Variants in MBNL1 observed in about 807,000 individuals in gnomAD.
The protein encoded by MBNL1 is muscleblind-like protein 1.
MBNL1 carries 8 observed loss-of-function variants against 42.2 expected under a neutral mutation model. That is an observed-to-expected ratio of 0.19 (90% CI 0.11 to 0.34). MBNL1 has a LOEUF of 0.34. Among genes scored for constraint, MBNL1 ranks in the 10% least tolerant of loss-of-function variants. MBNL1 has a pLI of 1.00. For synonymous variants in MBNL1, 169 were observed against 173.9 expected, an observed-to-expected ratio of 0.97 and a Z score of 0.22; for missense variants, 309 against 495.3, an observed-to-expected ratio of 0.62 and a Z score of 3.57.
chr3:152,364,948 G>A (rs918269002), intron 2 of MBNL1, among the ~76,000 whole-genome samples: 27 of 151,800 alleles, frequency 1.8e-4, no homozygotes, highest in African/African-American at 5.8e-4. Context: ...GCATGAAAAT[G>A]GACTGCTTCA....
At chr3:152,333,664 G>A (rs1432619537) in intron 2 of MBNL1, among the ~76,000 whole-genome samples, 1 of 152,140 alleles carries the variant, frequency 6.6e-6, no homozygotes, top group Non-Finnish European at 1.5e-5. Flanking sequence ...TGTCTACCTT[G>A]TTAGGTTATT....
intron 2 of MBNL1, chr3:152,340,679 A>AT: frequency 2.5e-6 from 4 of 1,614,028 alleles, no homozygotes; most frequent in Non-Finnish European, 3.4e-6. Flanking sequence ...TTCGCATAAT[A>AT]CCTAGCAAGA....
chr3:152,456,417 A>G (rs749676237), intron 8 of MBNL1, 56 bp downstream of exon 8: 81 of 1,389,274 alleles, frequency 5.8e-5, no homozygotes, highest in Non-Finnish European at 8.0e-5. Flanking sequence ...GGCTCAATCC[A>G]ACAGCCCTTA....
intron 2 of MBNL1, chr3:152,340,558 G>A (rs2092888311): frequency 6.2e-7 from 1 of 1,612,888 alleles, no homozygotes; most frequent in Non-Finnish European, 8.5e-7. Context: ...CTGAGACATA[G>A]CTACAACTGA....
chr3:152,249,748 T>G (rs1158433847), intron 2 of MBNL1, among the ~76,000 whole-genome samples: 2 of 138,924 alleles, frequency 1.4e-5, no homozygotes, highest in African/African-American at 5.4e-5. Context: ...TTTTATGGTT[T>G]TAGGTCTAAC....
At chr3:152,339,438 T>C (rs1055647117) in intron 2 of MBNL1, among the ~76,000 whole-genome samples, 4 of 152,152 alleles carry the variant, frequency 2.6e-5, no homozygotes, top group Non-Finnish European at 4.4e-5. Flanking sequence ...TTCAGTGTTA[T>C]GAGTTTGTGA....
chr3:152,297,768 T>A (rs2059271364), intron 1 of MBNL1, among the ~76,000 whole-genome samples: 1 of 152,132 alleles, frequency 6.6e-6, no homozygotes. Context: ...GTGATTCTTC[T>A]GCCTCAGCCT....
chr3:152,421,335 G>A (rs1207531416), intron 3 of MBNL1, among the ~76,000 whole-genome samples: 2 of 152,178 alleles, frequency 1.3e-5, no homozygotes, highest in Admixed American at 1.3e-4. Flanking sequence ...CCCTGGAAAG[G>A]CGGCTGAAGC....
chr3:152,252,618 T>G (rs895394062), intron 2 of MBNL1, among the ~76,000 whole-genome samples: 3 of 152,066 alleles, frequency 2.0e-5, no homozygotes, highest in African/African-American at 7.2e-5. Flanking sequence ...ACATTTAGTC[T>G]GAAGTCAAAT....
chr3:152,410,308 G>T (rs566969571), intron 2 of MBNL1, among the ~76,000 whole-genome samples: 1 of 151,952 alleles, frequency 6.6e-6, no homozygotes, highest in Non-Finnish European at 1.5e-5. Flanking sequence ...ATTCACAATC[G>T]AACAACTTAC....
chr3:152,441,185 A>G (rs866843309), intron 4 of MBNL1, among the ~76,000 whole-genome samples: 18 of 152,188 alleles, frequency 1.2e-4, no homozygotes, highest in African/African-American at 3.4e-4. Flanking sequence ...CTTTTGAATA[A>G]ATTCAAATAT....
intron 2 of MBNL1, among the ~76,000 whole-genome samples, chr3:152,373,079 A>T (rs1167632287): frequency 6.6e-6 from 1 of 152,118 alleles, no homozygotes; most frequent in African/African-American, 2.4e-5. Flanking sequence ...CGAACTTCCC[A>T]GAAGCTTTGT....
At chr3:152,361,840 T>C (rs560081021) in intron 2 of MBNL1, among the ~76,000 whole-genome samples, 72 of 152,352 alleles carry the variant, frequency 4.7e-4, no homozygotes, top group African/African-American at 1.7e-3. Flanking sequence ...GTACATTTAA[T>C]AAATTATCCA....
At chr3:152,343,976 A>G (rs1406858075) in intron 2 of MBNL1, among the ~76,000 whole-genome samples, 2 of 152,148 alleles carry the variant, frequency 1.3e-5, no homozygotes, top group Non-Finnish European at 2.9e-5. Context: ...TGTTTATAAT[A>G]TTATAAAATT....
At chr3:152,412,539 T>C (rs148431729) in intron 2 of MBNL1, among the ~76,000 whole-genome samples, 2 of 152,172 alleles carry the variant, frequency 1.3e-5, no homozygotes, top group African/African-American at 2.4e-5. Flanking sequence ...AAAGGTACCA[T>C]AGATAAAAAA....
chr3:152,414,410 A>G (rs888399400), intron 2 of MBNL1, among the ~76,000 whole-genome samples: 1 of 152,194 alleles, frequency 6.6e-6, no homozygotes, highest in African/African-American at 2.4e-5. Flanking sequence ...GTAAATTCCT[A>G]ATACATGGAC....
At chr3:152,305,266 G>C (rs915805598) in intron 2 of MBNL1, among the ~76,000 whole-genome samples, 5 of 152,170 alleles carry the variant, frequency 3.3e-5, no homozygotes, top group African/African-American at 1.2e-4. Flanking sequence ...CAGTTCAGGT[G>C]AAAGGTGAGA....
chr3:152,323,085 T>C (rs984557133), intron 2 of MBNL1, among the ~76,000 whole-genome samples: 1 of 152,138 alleles, frequency 6.6e-6, no homozygotes, highest in African/African-American at 2.4e-5. Context: ...GTGTAGAATT[T>C]GCATTTTTTG....
Position 152,346,745 on chromosome 3 carries a change from A to T in MBNL1, c.174+46378A>T, listed in dbSNP as rs1446209706. 2.6e-5 allele frequency among the ~76,000 whole-genome samples: 4 copies of T among 152,082 alleles called. No individual in the cohort carries two copies. In the East Asian group the frequency reaches 7.7e-4, roughly 29 times the overall value. On this transcript the variant is annotated intron_variant, in intron 2 of 9. Transcript: ENST00000324210. ...TACAGCATTCTCAATTTAAAACACTAAAATAGTGAGGGTTTCATAAGCTGT... is the reference window on the plus strand; with the variant it reads ...TACAGCATTCTCAATTTAAAACACTTAAATAGTGAGGGTTTCATAAGCTGT...
Sources: gnomAD v4.1 joint callset for allele counts (sites outside exome capture counted in the v4.1 genomes callset) on GRCh38, gnomAD v4.1.1 for gene constraint, MANE v1.5 for transcripts, NCBI Gene and HGNC (gene_info 2026-07-23, HGNC 2026-07-21) for gene names.